The following GHR variants were observed in gnomAD, a reference collection of about 807,000 sequenced individuals.
GHR encodes the protein growth hormone receptor.
In GHR, 35 loss-of-function variants were observed where a neutral mutation model predicts 67.1. The ratio of observed to expected loss-of-function variants is 0.52; its 90% CI spans 0.40 to 0.69. The LOEUF is 0.69. Among genes scored for constraint, GHR ranks in the 30% least tolerant of loss-of-function variants. GHR has a pLI of 0.00. For synonymous variants in GHR, 272 were observed against 269.1 expected, an observed-to-expected ratio of 1.01 and a Z score of -0.10; for missense variants, 792 against 764.6, an observed-to-expected ratio of 1.04 and a Z score of -0.42.
At chr5:42,642,329 A>G (rs1345573754) in intron 3 of GHR, among the ~76,000 whole-genome samples, 1 of 152,156 alleles carries the variant, frequency 6.6e-6, no homozygotes, top group Non-Finnish European at 1.5e-5. Context: ...TTCTACTTGC[A>G]CAACCTTGAC....
chr5:42,468,058 G>T (rs775105471), intron 1 of GHR: 28 of 886,974 alleles, frequency 3.2e-5, no homozygotes, highest in Non-Finnish European at 3.6e-5. Flanking sequence ...TTCCTAATAT[G>T]ATGCGGGGGT....
chr5:42,676,379 C>T (rs933705626), intron 3 of GHR, among the ~76,000 whole-genome samples: 8 of 152,144 alleles, frequency 5.3e-5, no homozygotes, highest in East Asian at 3.9e-4. Flanking sequence ...GACTTTACAA[C>T]GAGCTGTACC....
In GHR at chr5:42,540,943, G is replaced by GTT. The variant is rs58109462; in HGVS notation, c.-11-24909_-11-24908dup. ...TGTGACAGTCTCTAGTATTTTCCTT[G>GTT]TTTTTTTTTTTTTGTCTAGAATTTA... On this transcript the variant is annotated intron_variant, in intron 1 of 9. Transcript: ENST00000230882. Among the ~76,000 whole-genome samples, 851 of 139,892 alleles carry GTT rather than the reference G, an allele frequency of 6.1e-3. 4 individuals are homozygous for GTT. The highest frequency in any genetic ancestry group is 0.015 in the Middle Eastern group (4 of 266). The allele number at this position is 139,892 out of a possible 152,430, so 91.8% of individuals were successfully genotyped here.
At chr5:42,681,960 A>G (rs1756904120) in intron 3 of GHR, among the ~76,000 whole-genome samples, 1 of 145,626 alleles carries the variant, frequency 6.9e-6, no homozygotes, top group African/African-American at 2.5e-5. Context: ...AAAAAAAGAC[A>G]TATGCACACG....
chr5:42,458,644 G>T (rs1001691531), intron 1 of GHR, among the ~76,000 whole-genome samples: 52 of 152,142 alleles, frequency 3.4e-4, no homozygotes, highest in African/African-American at 1.2e-3. Flanking sequence ...TTGAGAAATG[G>T]AAACAGATTA....
intron 1 of GHR, among the ~76,000 whole-genome samples, chr5:42,432,781 G>A (rs1743151005): frequency 6.6e-6 from 1 of 152,164 alleles, no homozygotes; most frequent in African/African-American, 2.4e-5. Flanking sequence ...CAAGAATAAA[G>A]AAGAACTACT....
intron 3 of GHR, among the ~76,000 whole-genome samples, chr5:42,654,346 G>A (rs993511052): frequency 6.6e-6 from 1 of 152,060 alleles, no homozygotes; most frequent in Non-Finnish European, 1.5e-5. Flanking sequence ...CTGTACCAAT[G>A]CCCTGCCCCC....
At chr5:42,544,121 A>G (rs1748633973) in intron 1 of GHR, among the ~76,000 whole-genome samples, 1 of 152,156 alleles carries the variant, frequency 6.6e-6, no homozygotes, top group Non-Finnish European at 1.5e-5. Flanking sequence ...CAAGCTGATT[A>G]AAATGCTCTT....
At chr5:42,454,261 T>C (rs967665043) in intron 1 of GHR, among the ~76,000 whole-genome samples, 2 of 152,214 alleles carry the variant, frequency 1.3e-5, no homozygotes, top group Non-Finnish European at 2.9e-5. Context: ...GTGTGCTGGC[T>C]TTCTCAAATG....
Position 42,480,677 on chromosome 5 carries a change from A to G in GHR, c.-12+56722A>G, listed in dbSNP as rs554100841. ...TGTCTCATTTGATCTTTGTTGGTTT[A>G]AAGTCTGTTTTATCAGAGACTAGGA... On this transcript the variant is annotated intron_variant, in intron 1 of 9. Coordinates refer to ENST00000230882, the MANE Select transcript of GHR (RefSeq NM_000163.5). 1.8e-4 allele frequency among the ~76,000 whole-genome samples: 28 copies of G among 152,302 alleles called. 1 individual carries two copies. In the South Asian group the frequency reaches 5.8e-3, roughly 32 times the overall value.
At chr5:42,491,929 A>G (rs1746133877) in intron 1 of GHR, among the ~76,000 whole-genome samples, 1 of 152,220 alleles carries the variant, frequency 6.6e-6, no homozygotes, top group South Asian at 2.1e-4. Flanking sequence ...GTTTTAGATC[A>G]GCCTGGATAT....
At chr5:42,565,638 T>C in intron 1 of GHR, 30 of 985,254 alleles carry the variant, frequency 3.0e-5, no homozygotes, top group Non-Finnish European at 3.6e-5. Flanking sequence ...TTCATGTTAT[T>C]TCCTGAGACT....
intron 1 of GHR, among the ~76,000 whole-genome samples, chr5:42,436,411 T>A (rs1282502848): frequency 6.6e-6 from 1 of 152,210 alleles, no homozygotes; most frequent in Non-Finnish European, 1.5e-5. Flanking sequence ...CAGACCTGGA[T>A]GCATGGTATA....
chr5:42,675,138 A>C (rs1756508960), intron 3 of GHR, among the ~76,000 whole-genome samples: 1 of 152,216 alleles, frequency 6.6e-6, no homozygotes, highest in Admixed American at 6.5e-5. Flanking sequence ...TGTCTTTGAC[A>C]TCTCAAAACA....
chr5:42,691,359 G>A (rs1165747538), intron 4 of GHR, among the ~76,000 whole-genome samples: 1 of 152,126 alleles, frequency 6.6e-6, no homozygotes, highest in Admixed American at 6.5e-5. Flanking sequence ...AAACTACTAT[G>A]AGCCCACAGC....
At chr5:42,717,657 G>A (rs765048494) in intron 8 of GHR, among the ~76,000 whole-genome samples, 15 of 151,908 alleles carry the variant, frequency 9.9e-5, no homozygotes, top group Non-Finnish European at 1.6e-4. Context: ...TTTCTTTCCT[G>A]TACAAATTAC....
intron 1 of GHR, among the ~76,000 whole-genome samples, chr5:42,547,612 G>A (rs72754922): frequency 0.092 from 13,931 of 152,060 alleles, 937 homozygotes; most frequent in African/African-American, 0.18. Flanking sequence ...CCTAAACTAC[G>A]TTTTCTAAAT....
chr5:42,606,807 T>A (rs761042773), intron 2 of GHR, among the ~76,000 whole-genome samples: 2 of 151,862 alleles, frequency 1.3e-5, no homozygotes, highest in Non-Finnish European at 2.9e-5. Context: ...AAACTAGGAG[T>A]TGGGCAATAT....
At chr5:42,663,773 A>G (rs914734141) in intron 3 of GHR, among the ~76,000 whole-genome samples, 2 of 152,094 alleles carry the variant, frequency 1.3e-5, no homozygotes, top group Admixed American at 6.6e-5. Context: ...GGAAATAAAG[A>G]GTATTCAATT....
Sources: gnomAD v4.1 joint callset for allele counts (sites outside exome capture counted in the v4.1 genomes callset) on GRCh38, gnomAD v4.1.1 for gene constraint, MANE v1.5 for transcripts, NCBI Gene and HGNC (gene_info 2026-07-23, HGNC 2026-07-21) for gene names.